Variants in TACO1 observed in about 807,000 individuals in gnomAD.
TACO1 encodes translational activator of cytochrome c oxidase I, also known as translational activator of cytochrome c oxidase 1.
A neutral mutation model predicts 24.0 loss-of-function variants in TACO1; 13 were observed. The ratio of observed to expected loss-of-function variants is 0.54; its 90% CI spans 0.35 to 0.86. The LOEUF is 0.86. TACO1 is among the 40% of genes least tolerant of loss of function. The pLI, the probability that TACO1 is intolerant of heterozygous loss-of-function variation, is 0.01. For synonymous variants in TACO1, 149 were observed against 153.5 expected, an observed-to-expected ratio of 0.97 and a Z score of 0.22; for missense variants, 352 against 380.1, an observed-to-expected ratio of 0.93 and a Z score of 0.61.
chr17:63,602,280 A>AAG lies in TACO1; in HGVS notation c.280+925_280+926dup, dbSNP rs1026877078. Reference sequence around the variant, plus strand: ...TCCATCTCAAAAAAAAAAAAAAAAAAAGAGAGAGAAACTGTGGACTTTGGA... The same window carrying AAG: ...TCCATCTCAAAAAAAAAAAAAAAAAAAGAGAGAGAGAAACTGTGGACTTTGGA... On this transcript the variant is annotated intron_variant, in intron 1 of 4. Transcript: ENST00000258975. Among the ~76,000 whole-genome samples, 59 of 149,914 alleles carry AAG rather than the reference A, an allele frequency of 3.9e-4. 1 individual carries two copies. Among genetic ancestry groups the AAG allele is most frequent in the African/African-American group, 1.2e-3 (50 of 40,166 alleles).
chr17:63,606,853 G>C, intron 3 of TACO1: 1 of 359,500 alleles, frequency 2.8e-6, no homozygotes. Flanking sequence ...CAGGTTTTAA[G>C]CACACTTGCT....
In TACO1 at chr17:63,606,440, G is replaced by A. The variant is rs2033862889; in HGVS notation, c.515G>A (p.Gly172Glu). The change falls in exon 3 of 5, where the codon GGA (glycine) becomes GAA (glutamate). Residue 172 changes from glycine (G) to glutamate (E), a missense_variant and splice_region_variant. By Grantham distance (98) the Gly-to-Glu change is moderately conservative. Transcript: ENST00000258975. The stretch of plus-strand genomic sequence containing the variant: ...ATTAGACATATCCTGAATAAGAATG[G>A]GTAAGTGTGCGTCTGGGAGGAGTGG... ...ADIRHILNKN[G>E]GVMAVGARHS... 6.2e-7 allele frequency: 1 copy of A among 1,614,136 alleles called. No homozygotes were observed. Among genetic ancestry groups the A allele is most frequent in the South Asian group, 1.1e-5 (1 of 91,080 alleles).
intron 1 of TACO1, among the ~76,000 whole-genome samples, chr17:63,604,189 T>G (rs913137362): frequency 1.3e-5 from 2 of 151,664 alleles, no homozygotes; most frequent in African/African-American, 4.9e-5. Flanking sequence ...AATACAAAAA[T>G]TAGCCGGGTG....
intron 4 of TACO1, 47 bp from the exon 5 acceptor site, chr17:63,607,755 C>G: frequency 6.4e-7 from 1 of 1,573,326 alleles, no homozygotes. Context: ...GTGGCTTTGT[C>G]TCATTACCTC....
Position 63,607,814 on chromosome 17 carries a change from G to A in TACO1, c.706G>A (p.Ala236Thr). ...CCTTTATCCCTAGTTTATTTGTGAT[G>A]CCTCTTCACTGCACCAAGTGAGGAA... is the stretch of plus-strand genomic sequence containing the variant. Reference protein sequence around the residue: ...ERNVFKFICDASSLHQVRKKL... With the variant: ...ERNVFKFICDTSSLHQVRKKL... The change falls in exon 5 of 5, where the codon GCC (alanine) becomes ACC (threonine). Residue 236 changes from alanine to threonine, a missense_variant. Transcript: ENST00000258975. 1 of 1,613,932 alleles carries A rather than the reference G, an allele frequency of 6.2e-7. No homozygotes were observed. Among genetic ancestry groups the A allele is most frequent in the Non-Finnish European group, 8.5e-7 (1 of 1,180,002 alleles).
At chr17:63,604,790 G>A (rs1289091324) in intron 2 of TACO1, 150 bp downstream of exon 2, 6 of 744,696 alleles carry the variant, frequency 8.1e-6, no homozygotes, top group Non-Finnish European at 1.2e-5. Context: ...AAGGTGGGTG[G>A]ATCACTTGAG....
rs750327563 is a variant in TACO1 at position 63,604,564 on chromosome 17, A to G, written c.311A>G (p.Asn104Ser). 1 of 1,614,074 alleles carries G rather than the reference A, an allele frequency of 6.2e-7. No homozygotes were observed. The highest frequency in any genetic ancestry group is 8.5e-7 in the Non-Finnish European group (1 of 1,180,010). Residue 104 changes from asparagine (N) to serine (S), a missense_variant, in exon 2 of 5, where the codon AAC (asparagine) becomes AGC (serine). Transcript: ENST00000258975. ...GGCCCCAACCCTGAGCACAACAGCA[A>G]CCTGGCCAATATCTTAGAGGTGTGT... ...EGGPNPEHNSNLANILEVCRS... is the reference protein window; with the variant it reads ...EGGPNPEHNSSLANILEVCRS...
intron 1 of TACO1, 110 bp downstream of exon 1, chr17:63,601,473 T>C: frequency 7.9e-7 from 1 of 1,267,348 alleles, no homozygotes; most frequent in Non-Finnish European, 1.1e-6. Context: ...CTTCACTTTG[T>C]TTTCCTTCCC....
chr17:63,607,140 A>T, intron 3 of TACO1, 147 bp from the exon 4 acceptor site: 1 of 782,610 alleles, frequency 1.3e-6, no homozygotes, highest in Non-Finnish European at 2.2e-6. Context: ...CAGCAGCTGC[A>T]TTTTCTCCTT....
chr17:63,606,250 T>C (rs2033860881), intron 2 of TACO1, 63 bp from the exon 3 acceptor site: 1 of 1,607,160 alleles, frequency 6.2e-7, no homozygotes, highest in South Asian at 1.1e-5. Flanking sequence ...TACTTGTAGT[T>C]CTGGGCTGAC....
At chr17:63,606,245 G>T (rs1381151159) in intron 2 of TACO1, 68 bp from the exon 3 acceptor site, 4 of 1,599,716 alleles carry the variant, frequency 2.5e-6, no homozygotes, top group South Asian at 1.1e-5. Flanking sequence ...TGCGATACTT[G>T]TAGTTCTGGG....
In TACO1 at chr17:63,607,906, G is replaced by A; in HGVS notation, c.798G>A (p.Val266=). Residue 266 remains valine, a synonymous_variant, in exon 5 of 5, where the codon GTG becomes GTA. Transcript: ENST00000258975. ...TAGAGTTCATCCCCAACTCAAAGGT[G>A]CAGCTGGCTGAGCCCGACCTGGAAC... is the stretch of plus-strand genomic sequence containing the variant. The part of the protein sequence containing the change: ...CALEFIPNSK[V]QLAEPDLEQA... The A allele has an allele frequency of 6.2e-7, 1 of 1,614,232 alleles. No individual in the cohort carries two copies. The highest frequency in any genetic ancestry group is 8.5e-7 in the Non-Finnish European group (1 of 1,180,044).
At position 63,601,432 on chromosome 17, in the gene TACO1, C is replaced by T. The variant is rs1184611773; in HGVS notation, c.280+69C>T. 4.8e-5 allele frequency: 75 copies of T among 1,561,304 alleles called. No individual in the cohort carries two copies. In the South Asian group the frequency reaches 7.2e-4, roughly 15 times the overall value. ...TCAGTGCCCGCAGCCTCGCTTGCCT[C>T]TCGGAATTGGGCCCACCTAGATCTC... On this transcript the variant is annotated intron_variant, in intron 1 of 4. Transcript: ENST00000258975.
chr17:63,603,531 C>A (rs2033838091), intron 1 of TACO1, among the ~76,000 whole-genome samples: 1 of 151,960 alleles, frequency 6.6e-6, no homozygotes, highest in Non-Finnish European at 1.5e-5. Flanking sequence ...CGTGGTGAAA[C>A]CTCATCTCTA....
intron 4 of TACO1, 48 bp downstream of exon 4, chr17:63,607,512 A>T (rs752062269): frequency 6.3e-7 from 1 of 1,595,738 alleles, no homozygotes; most frequent in Non-Finnish European, 8.6e-7. Context: ...GAGGACCCTG[A>T]TAGATGCCTT....
In TACO1 at chr17:63,600,966, G is replaced by T; in HGVS notation, c.-118G>T. 1.6e-6 allele frequency: 2 copies of T among 1,252,556 alleles called. No individual in the cohort carries two copies. Among genetic ancestry groups the T allele is most frequent in the Non-Finnish European group, 2.2e-6 (2 of 897,936 alleles). The allele number at this position is 1,252,556 out of a possible 1,614,324, so 77.6% of individuals were successfully genotyped here. A position where few individuals can be genotyped will look rare whatever the true frequency, so the allele number is the denominator to read the frequency against. ...CGCCCCGGGCGGGCCCAAGCCTTTG[G>T]ATCTCAGGTGACCGGCACAGGCGGC... On this transcript the variant is annotated 5_prime_UTR_variant, in exon 1 of 5. Coordinates refer to ENST00000258975, the MANE Select transcript of TACO1 (RefSeq NM_016360.4).
intron 1 of TACO1, 34 bp downstream of exon 1, chr17:63,601,397 C>A (rs981541282): frequency 1.2e-6 from 2 of 1,607,168 alleles, no homozygotes; most frequent in African/African-American, 2.7e-5. Flanking sequence ...CACTGGCTGC[C>A]GCTGCCCTCT....
chr17:63,602,923 C>G (rs1452757744), intron 1 of TACO1, among the ~76,000 whole-genome samples: 2 of 152,190 alleles, frequency 1.3e-5, no homozygotes, highest in Non-Finnish European at 2.9e-5. Context: ...ATCACAATGT[C>G]ATGTGAACAT....
chr17:63,606,962 G>T (rs939751855), intron 3 of TACO1: 2 of 432,444 alleles, frequency 4.6e-6, no homozygotes, highest in South Asian at 4.4e-5. Context: ...GGGGATCTTT[G>T]TCCTATTATC....
Sources: gnomAD v4.1 joint callset for allele counts (sites outside exome capture counted in the v4.1 genomes callset) on GRCh38, gnomAD v4.1.1 for gene constraint, MANE v1.5 for transcripts, NCBI Gene and HGNC (gene_info 2026-07-23, HGNC 2026-07-21) for gene names.